The following L3MBTL4 variants were observed in gnomAD, a reference collection of about 807,000 sequenced individuals.
L3MBTL4 encodes lethal(3)malignant brain tumor-like protein 4.
In L3MBTL4, 70 loss-of-function variants were observed where a neutral mutation model predicts 84.5. The ratio of observed to expected loss-of-function variants is 0.83; its 90% CI spans 0.68 to 1.01. The LOEUF is 1.01. Among genes scored for constraint, L3MBTL4 ranks in the 50% least tolerant of loss-of-function variants. L3MBTL4 has a pLI of 0.00. For synonymous variants in L3MBTL4, 274 were observed against 259.8 expected (o/e 1.05, Z -0.52); for missense variants, 715 against 754.8 (o/e 0.95, Z 0.62).
Position 5,969,695 on chromosome 18 carries a change from C to T in L3MBTL4, c.1445-133G>A, listed in dbSNP as rs973038857. On this transcript the variant is annotated intron_variant, in intron 16 of 18. Transcript: ENST00000317931. ...ACCACCAGAACCCGCGTCTTCTGAT[C>T]GTACAGCATCACCCCCAAGCATACC... The T allele has an allele frequency of 5.9e-5, 46 of 785,358 alleles. 1 individual carries two copies. The highest frequency in any genetic ancestry group is 7.7e-5 in the Non-Finnish European group (39 of 503,830). 48.6% of individuals were successfully genotyped at this position (785,358 alleles called of 1,614,324 possible). A position where few individuals can be genotyped will look rare whatever the true frequency, so the allele number is the denominator to read the frequency against.
At chr18:5,966,971 G>A (rs1189096394) in intron 17 of L3MBTL4, among the ~76,000 whole-genome samples, 1 of 152,162 alleles carries the variant, frequency 6.6e-6, no homozygotes, top group Non-Finnish European at 1.5e-5. Context: ...TTTCTTGGCA[G>A]TGCCCCACCA....
At position 6,213,021 on chromosome 18, in the gene L3MBTL4, T is replaced by TC. The variant is rs2046174683; in HGVS notation, c.981+127dup. 5.2e-6 allele frequency: 3 copies of TC among 574,952 alleles called. No individual in the cohort carries two copies. The South Asian group carries it at 8.9e-5, about 17-fold the overall frequency. The allele number at this position is 574,952 out of a possible 1,614,324, so 35.6% of individuals were successfully genotyped here. On this transcript the variant is annotated intron_variant, in intron 12 of 18. Transcript: ENST00000317931. ...TTCAAGGTCAAATCCAGAACGCTTT[T>TC]CCCCCCAGAAAATTATTGTGCAGAT...
intron 14 of L3MBTL4, among the ~76,000 whole-genome samples, chr18:6,130,183 A>C (rs2059829633): frequency 2.0e-5 from 3 of 152,184 alleles, no homozygotes; most frequent in Admixed American, 2.0e-4. Flanking sequence ...CTGCAGAGTG[A>C]GCGGTCAGTC....
intron 16 of L3MBTL4, among the ~76,000 whole-genome samples, chr18:6,072,132 T>A (rs892645266): frequency 7.9e-5 from 12 of 152,326 alleles, no homozygotes; most frequent in Middle Eastern, 6.8e-3. Flanking sequence ...ATGTTCTAAT[T>A]TTCATGAGCC....
In L3MBTL4 at chr18:6,157,001, C is replaced by T. The variant is rs553189020; in HGVS notation, c.1096+14827G>A. Among the ~76,000 whole-genome samples, 15 of 152,264 alleles carry T rather than the reference C, an allele frequency of 9.9e-5. No homozygotes were observed. In the South Asian group the frequency reaches 1.9e-3, roughly 19 times the overall value. On this transcript the variant is annotated intron_variant, in intron 13 of 18. Coordinates refer to ENST00000317931, the MANE Select transcript of L3MBTL4 (RefSeq NM_001330559.2). Reference sequence around the variant, plus strand: ...CCCTCACACCTCCAGAAGGTAGAGACGCAGGATAAGCACTTCAACAAGGAA... The same window carrying T: ...CCCTCACACCTCCAGAAGGTAGAGATGCAGGATAAGCACTTCAACAAGGAA...
intron 12 of L3MBTL4, among the ~76,000 whole-genome samples, chr18:6,198,404 T>A (rs2045502475): frequency 6.6e-6 from 1 of 152,222 alleles, no homozygotes; most frequent in Non-Finnish European, 1.5e-5. Flanking sequence ...ATATACTTCA[T>A]TTATCCTAAT....
At chr18:6,145,783 G>T (rs892045894) in intron 13 of L3MBTL4, among the ~76,000 whole-genome samples, 3 of 152,138 alleles carry the variant, frequency 2.0e-5, no homozygotes, top group African/African-American at 7.2e-5. Flanking sequence ...GATACTGCAG[G>T]TTTATTAGAC....
intron 1 of L3MBTL4, among the ~76,000 whole-genome samples, chr18:6,392,946 G>C (rs932310781): frequency 6.6e-6 from 1 of 152,042 alleles, no homozygotes; most frequent in African/African-American, 2.4e-5. Flanking sequence ...AAGGAAATGA[G>C]AGACAAAAAA....
At chr18:6,039,155 C>G (rs1347608109) in intron 16 of L3MBTL4, among the ~76,000 whole-genome samples, 1 of 152,068 alleles carries the variant, frequency 6.6e-6, no homozygotes, top group Non-Finnish European at 1.5e-5. Flanking sequence ...CAAACCTACC[C>G]TCCCCAAACT....
At chr18:6,350,518 T>G (rs113497556) in intron 1 of L3MBTL4, among the ~76,000 whole-genome samples, 4 of 149,834 alleles carry the variant, frequency 2.7e-5, no homozygotes, top group African/African-American at 9.8e-5. Flanking sequence ...CACAATGAGA[T>G]ACCACTTTAC....
intron 1 of L3MBTL4, among the ~76,000 whole-genome samples, chr18:6,365,151 C>A (rs1423948028): frequency 6.6e-6 from 1 of 152,042 alleles, no homozygotes; most frequent in Non-Finnish European, 1.5e-5. Context: ...CTGAGATTAT[C>A]ATATCTTGAT....
chr18:6,017,285 C>A (rs552236345), intron 16 of L3MBTL4, among the ~76,000 whole-genome samples: 1 of 152,230 alleles, frequency 6.6e-6, no homozygotes, highest in East Asian at 1.9e-4. Context: ...TCTGGGCCTG[C>A]TGCTGATTGG....
intron 13 of L3MBTL4, among the ~76,000 whole-genome samples, chr18:6,158,162 G>T (rs1336918689): frequency 6.6e-6 from 1 of 152,174 alleles, no homozygotes; most frequent in Non-Finnish European, 1.5e-5. Flanking sequence ...GTCAGACCAT[G>T]GAAAAACACT....
intron 1 of L3MBTL4, among the ~76,000 whole-genome samples, chr18:6,370,741 C>T (rs962795222): frequency 6.6e-6 from 1 of 152,202 alleles, no homozygotes; most frequent in African/African-American, 2.4e-5. Flanking sequence ...GATAAACCCA[C>T]AGGCCACACT....
At chr18:5,981,439 C>A (rs190870296) in intron 16 of L3MBTL4, among the ~76,000 whole-genome samples, 12 of 152,082 alleles carry the variant, frequency 7.9e-5, no homozygotes, top group Admixed American at 7.9e-4. Flanking sequence ...ATGAATGACA[C>A]TAACTTTTAA....
intron 17 of L3MBTL4, among the ~76,000 whole-genome samples, chr18:5,964,730 G>A (rs999629489): frequency 6.6e-6 from 1 of 152,080 alleles, no homozygotes; most frequent in Non-Finnish European, 1.5e-5. Context: ...GTACCCATAC[G>A]TGCACCAAGC....
At chr18:6,004,310 C>T (rs2054361701) in intron 16 of L3MBTL4, among the ~76,000 whole-genome samples, 1 of 152,088 alleles carries the variant, frequency 6.6e-6, no homozygotes, top group Non-Finnish European at 1.5e-5. Flanking sequence ...ACACAAAACC[C>T]ACCATGACTT....
chr18:5,992,216 C>G (rs576705388), intron 16 of L3MBTL4, among the ~76,000 whole-genome samples: 1 of 152,090 alleles, frequency 6.6e-6, no homozygotes, highest in African/African-American at 2.4e-5. Flanking sequence ...TGAGGAGCCC[C>G]GGGAGGGGAG....
intron 16 of L3MBTL4, among the ~76,000 whole-genome samples, chr18:6,011,329 T>A (rs2054726260): frequency 6.6e-6 from 1 of 151,858 alleles, no homozygotes; most frequent in Admixed American, 6.6e-5. Flanking sequence ...AAAAAAAGGA[T>A]CAAGAGATAA....
Sources: allele counts gnomAD v4.1 joint callset (sites outside exome capture counted in the v4.1 genomes callset), GRCh38; gene constraint gnomAD v4.1.1; transcripts MANE v1.5; gene names NCBI Gene and HGNC (gene_info 2026-07-23, HGNC 2026-07-21).